The following PLEKHA3 variants were observed in gnomAD, a reference collection of about 807,000 sequenced individuals.
The protein encoded by PLEKHA3 is pleckstrin homology domain-containing family A member 3.
PLEKHA3 carries 19 observed loss-of-function variants against 39.2 expected under a neutral mutation model. That is an observed-to-expected ratio of 0.48 (90% CI 0.34 to 0.71). The LOEUF is 0.71. PLEKHA3 is among the 30% of genes least tolerant of loss of function. PLEKHA3 has a pLI of 0.01. For missense variants in PLEKHA3, 253 were observed against 359.5 expected (o/e 0.70, Z 2.40); for synonymous variants, 97 against 118.6 (o/e 0.82, Z 1.18).
At position 178,493,867 on chromosome 2, in the gene PLEKHA3, A is replaced by G. The variant is rs1333948159; in HGVS notation, c.328A>G (p.Ser110Gly). Residue 110 changes from serine to glycine, a missense_variant, in exon 4 of 8, where the codon AGT becomes GGT. By Grantham distance (56) the Ser-to-Gly change is moderately conservative. Coordinates refer to ENST00000234453, the MANE Select transcript of PLEKHA3 (RefSeq NM_019091.4). Reference protein sequence around the residue: ...TKKEKEISETSESLKTKMSEL... With the variant: ...TKKEKEISETGESLKTKMSEL... ...ATTCTTTTCAGAAATAAGTGAAACC[A>G]GTGAATCGCTGAAAACCAAAATGTC... 1.2e-6 allele frequency: 2 copies of G among 1,613,378 alleles called. No homozygotes were observed. The highest frequency in any genetic ancestry group is 2.2e-5 in the East Asian group (1 of 44,882).
intron 1 of PLEKHA3, among the ~76,000 whole-genome samples, chr2:178,485,060 G>C (rs1294884299): frequency 6.6e-6 from 1 of 152,234 alleles, no homozygotes; most frequent in African/African-American, 2.4e-5. Flanking sequence ...TTGTGTTTAA[G>C]GGAGTTTGCT....
intron 4 of PLEKHA3, 141 bp from the exon 5 acceptor site, chr2:178,495,355 C>T (rs1289688381): frequency 4.0e-6 from 3 of 750,092 alleles, no homozygotes; most frequent in East Asian, 6.3e-5. Context: ...GCTTAATTTT[C>T]TAAGGTACTG....
chr2:178,491,008 TTC>T (rs1249809483), intron 3 of PLEKHA3, among the ~76,000 whole-genome samples, 194 bp downstream of exon 3: 14 of 143,916 alleles, frequency 9.7e-5, no homozygotes, highest in Admixed American at 9.3e-4. Flanking sequence ...AACTCTTTCT[TTC>T]TTTTTTTTTT....
rs200726804 is a variant in PLEKHA3, at chr2:178,490,673, A to C, written c.172A>C (p.Asn58His). Residue 58 changes from asparagine (N) to histidine (H), a missense_variant, in exon 3 of 8, where the codon AAC becomes CAC. Around this residue, in one of 2 missense-constraint regions of PLEKHA3, gnomAD observed 126 missense variants for 222.7 expected, o/e 0.57. Transcript: ENST00000234453. ...VCEIKVHSAD[N>H]TRMELIIPGE... ...TATCATCATAGTTCATTCAGCAGAC[A>C]ACACAAGAATGGAATTAATCATTCC... The C allele has an allele frequency of 6.2e-7, 1 of 1,613,648 alleles. No individual in the cohort carries two copies. Among genetic ancestry groups the C allele is most frequent in the Non-Finnish European group, 8.5e-7 (1 of 1,179,672 alleles).
rs1344096188 is a variant in PLEKHA3, at chr2:178,509,610, T to G, written c.*5723T>G. The G allele has an allele frequency of 6.6e-6, 1 of 152,102 alleles. No homozygotes were observed. The highest frequency in any genetic ancestry group is 1.5e-5 in the Non-Finnish European group (1 of 68,146). The allele number at this position is 152,102 out of a possible 1,614,324, so 9.4% of individuals were successfully genotyped here. A position where few individuals can be genotyped will look rare whatever the true frequency, so the allele number is the denominator to read the frequency against. On this transcript the variant is annotated 3_prime_UTR_variant, in exon 8 of 8. Coordinates refer to ENST00000234453, the MANE Select transcript of PLEKHA3 (RefSeq NM_019091.4). ...CTTTTACCTCAGCCTCCCGAATAAC[T>G]AGGACTACAGGCATGCACCACTACT...
intron 1 of PLEKHA3, among the ~76,000 whole-genome samples, chr2:178,483,301 G>A (rs1685202008): frequency 6.7e-6 from 1 of 149,064 alleles, no homozygotes; most frequent in Non-Finnish European, 1.5e-5. Flanking sequence ...TAGAGAGTAA[G>A]AATTTCAGTA....
At chr2:178,503,408 TAA>T (rs1685560039) in intron 7 of PLEKHA3, among the ~76,000 whole-genome samples, 1 of 151,980 alleles carries the variant, frequency 6.6e-6, no homozygotes, top group African/African-American at 2.4e-5. Context: ...TTAACAGCAT[TAA>T]AATAGGCTGA....
intron 2 of PLEKHA3, among the ~76,000 whole-genome samples, chr2:178,489,815 C>T (rs140730014): frequency 0.01 from 1,536 of 152,224 alleles, 9 homozygotes; most frequent in Non-Finnish European, 0.016. Context: ...AAATTACTTT[C>T]TCTCATAATT....
chr2:178,480,969 G>A lies in PLEKHA3; in HGVS notation c.40+60G>A, dbSNP rs1170201938. 3 of 1,289,932 alleles carry A rather than the reference G, an allele frequency of 2.3e-6. No homozygotes were observed. The Admixed American group carries it at 9.2e-5, about 40-fold the overall frequency. 79.9% of individuals were successfully genotyped at this position (1,289,932 alleles called of 1,614,324 possible). ...AGGCGGGGGGCTGCTGAGAAGGCGG[G>A]TCGGGGCTCCTCTTCCTCCGTCTGG... On this transcript the variant is annotated intron_variant, in intron 1 of 7. Coordinates refer to ENST00000234453, the MANE Select transcript of PLEKHA3 (RefSeq NM_019091.4).
rs1450330096 is a variant in PLEKHA3, at chr2:178,513,839, A to G, written c.*9952A>G. On this transcript the variant is annotated 3_prime_UTR_variant, in exon 8 of 8. Coordinates refer to ENST00000234453, the MANE Select transcript of PLEKHA3 (RefSeq NM_019091.4). ...TTTGTCAGATAATATATACATGTCC[A>G]TGTAATTAAAAGTCTTCATTTGACA... The G allele has an allele frequency of 6.6e-6, 1 of 152,078 alleles. No homozygotes were observed. Among genetic ancestry groups the G allele is most frequent in the Non-Finnish European group, 1.5e-5 (1 of 68,010 alleles). 9.4% of individuals were successfully genotyped at this position (152,078 alleles called of 1,614,324 possible).
intron 2 of PLEKHA3, chr2:178,488,953 T>C (rs1685301563): frequency 2.2e-6 from 1 of 458,914 alleles, no homozygotes. Flanking sequence ...ATTTTTAAGT[T>C]TGTTGCCTTT....
At chr2:178,490,586 A>G (rs1685328516) in intron 2 of PLEKHA3, 73 bp from the exon 3 acceptor site, 1 of 1,439,680 alleles carries the variant, frequency 6.9e-7, no homozygotes, top group Non-Finnish European at 9.6e-7. Context: ...ATACTGTGTG[A>G]TTAGATGATT....
In PLEKHA3 at chr2:178,512,501, CTT is replaced by C. The variant is rs1685704756; in HGVS notation, c.*8617_*8618del. ...TGCTTTTGCAAGTTTGGCACAAAGA[CTT>C]TTACTCACTTAAATCTCAATATAAA... On this transcript the variant is annotated 3_prime_UTR_variant, in exon 8 of 8. Transcript: ENST00000234453. 1 of 152,208 alleles carries C rather than the reference CTT, an allele frequency of 6.6e-6. No homozygotes were observed. Among genetic ancestry groups the C allele is most frequent in the Admixed American group, 6.5e-5 (1 of 15,280 alleles). 9.4% of individuals were successfully genotyped at this position (152,208 alleles called of 1,614,324 possible).
At chr2:178,490,593 G>A in intron 2 of PLEKHA3, 66 bp from the exon 3 acceptor site, 1 of 1,471,148 alleles carries the variant, frequency 6.8e-7, no homozygotes, top group Non-Finnish European at 9.4e-7. Flanking sequence ...GTGATTAGAT[G>A]ATTATTTGAT....
intron 3 of PLEKHA3, among the ~76,000 whole-genome samples, chr2:178,492,804 A>C (rs1489869721): frequency 6.6e-6 from 1 of 152,190 alleles, no homozygotes; most frequent in Non-Finnish European, 1.5e-5. Flanking sequence ...GCTGGGGAAG[A>C]TGAAGACGTT....
Position 178,485,418 on chromosome 2 carries a change from C to T in PLEKHA3, c.41-223C>T, listed in dbSNP as rs529487342. ...AGCTAGAATTAGAAGTATTACTCCC[C>T]GTGTTTTTGCTGCTCTGGAGCTTGC... On this transcript the variant is annotated intron_variant, in intron 1 of 7. Transcript: ENST00000234453. Among the ~76,000 whole-genome samples the T allele has an allele frequency of 9.2e-5, 14 of 152,320 alleles. No homozygotes were observed. The East Asian group carries it at 9.6e-4, about 10-fold the overall frequency.
At chr2:178,491,010 C>CTTTTT (rs1204723389) in intron 3 of PLEKHA3, among the ~76,000 whole-genome samples, 196 bp downstream of exon 3, 42 of 129,490 alleles carry the variant, frequency 3.2e-4, no homozygotes, top group South Asian at 7.5e-4. Flanking sequence ...CTCTTTCTTT[C>CTTTTT]TTTTTTTTTT....
At chr2:178,483,697 T>C (rs1559381945) in intron 1 of PLEKHA3, among the ~76,000 whole-genome samples, 1 of 152,336 alleles carries the variant, frequency 6.6e-6, no homozygotes, top group South Asian at 2.1e-4. Flanking sequence ...AAATTAGTGT[T>C]TGGAAAGATA....
chr2:178,494,568 C>G (rs1685408925), intron 4 of PLEKHA3, among the ~76,000 whole-genome samples: 1 of 152,112 alleles, frequency 6.6e-6, no homozygotes, highest in Non-Finnish European at 1.5e-5. Context: ...AAGAAATCTT[C>G]CTATTTCTTC....
Sources: gnomAD v4.1 joint callset for allele counts (sites outside exome capture counted in the v4.1 genomes callset) on GRCh38, gnomAD v4.1.1 for gene constraint, gnomAD v4.1.1 regional missense constraint, MANE v1.5 for transcripts, NCBI Gene and HGNC (gene_info 2026-07-23, HGNC 2026-07-21) for gene names.